Variants in ROBO1 observed in about 807,000 individuals in gnomAD.
ROBO1 encodes roundabout guidance receptor 1.
A neutral mutation model predicts 195.9 loss-of-function variants in ROBO1; 149 were observed. The observed-to-expected ratio is 0.76, with a 90% confidence interval of 0.67 to 0.87. ROBO1 has a LOEUF of 0.87. Ranked by LOEUF, ROBO1 falls within the 40% of genes least tolerant of loss-of-function variation. The pLI is 0.00. For synonymous variants in ROBO1, 816 were observed against 733.2 expected (o/e 1.11, Z -1.82); for missense variants, 1,933 against 2,068.3 (o/e 0.93, Z 1.27).
At chr3:79,544,972 C>A (rs1331668028) in intron 2 of ROBO1, among the ~76,000 whole-genome samples, 2 of 152,014 alleles carry the variant, frequency 1.3e-5, no homozygotes, top group African/African-American at 4.8e-5. Flanking sequence ...TGAAATAATA[C>A]ATGTTCATTC....
intron 1 of ROBO1, among the ~76,000 whole-genome samples, chr3:79,670,367 T>C (rs1254013685): frequency 1.3e-5 from 2 of 151,774 alleles, no homozygotes; most frequent in Non-Finnish European, 2.9e-5. Flanking sequence ...GTCTTTTATA[T>C]GAAATTGCGC....
chr3:79,225,977 C>T (rs115168162), intron 2 of ROBO1, among the ~76,000 whole-genome samples: 261 of 152,202 alleles, frequency 1.7e-3, no homozygotes, highest in African/African-American at 5.8e-3. Context: ...ATTAGCATTG[C>T]CTATGATTAC....
chr3:79,203,546 C>T (rs2081808234), intron 2 of ROBO1, among the ~76,000 whole-genome samples: 1 of 152,178 alleles, frequency 6.6e-6, no homozygotes, highest in African/African-American at 2.4e-5. Context: ...GAAAGGGATA[C>T]TGAACTTAGG....
chr3:79,445,874 G>C (rs559683393), intron 2 of ROBO1, among the ~76,000 whole-genome samples: 4 of 151,902 alleles, frequency 2.6e-5, no homozygotes, highest in Non-Finnish European at 2.9e-5. Flanking sequence ...GTATGGTCGC[G>C]ATCTCCTGAC....
At chr3:79,157,930 T>A (rs2080887488) in intron 2 of ROBO1, among the ~76,000 whole-genome samples, 1 of 151,884 alleles carries the variant, frequency 6.6e-6, no homozygotes, top group Non-Finnish European at 1.5e-5. Context: ...TTTTCTTTAT[T>A]TTTATAGTGG....
chr3:78,665,322 G>A (rs1421323199), intron 14 of ROBO1, among the ~76,000 whole-genome samples: 1 of 152,184 alleles, frequency 6.6e-6, no homozygotes, highest in East Asian at 1.9e-4. Context: ...GTTCAGATGG[G>A]TGTTTTATTT....
At chr3:79,395,486 A>T (rs2037123846) in intron 2 of ROBO1, among the ~76,000 whole-genome samples, 1 of 152,070 alleles carries the variant, frequency 6.6e-6, no homozygotes, top group South Asian at 2.1e-4. Flanking sequence ...AACAAAATTT[A>T]TATGTAGAAA....
At chr3:79,638,342 A>T (rs12493415) in intron 1 of ROBO1, among the ~76,000 whole-genome samples, 37 of 152,184 alleles carry the variant, frequency 2.4e-4, no homozygotes, top group African/African-American at 8.7e-4. Flanking sequence ...TTTCTAACTT[A>T]CCAAAATAAA....
chr3:79,176,084 T>A (rs1042696137), intron 2 of ROBO1, among the ~76,000 whole-genome samples: 4 of 152,186 alleles, frequency 2.6e-5, no homozygotes, highest in Non-Finnish European at 4.4e-5. Context: ...AAAAGGGAAC[T>A]GAGCCAGATC....
intron 3 of ROBO1, among the ~76,000 whole-genome samples, chr3:79,036,500 T>C (rs1273218881): frequency 6.6e-6 from 1 of 152,202 alleles, no homozygotes; most frequent in African/African-American, 2.4e-5. Context: ...AAAGAAATAC[T>C]TGCTTTTGGA....
At chr3:79,272,036 A>T (rs958453982) in intron 2 of ROBO1, among the ~76,000 whole-genome samples, 5 of 152,080 alleles carry the variant, frequency 3.3e-5, no homozygotes, top group African/African-American at 9.7e-5. Context: ...CACTATCAAG[A>T]TGTTAACAAT....
intron 3 of ROBO1, among the ~76,000 whole-genome samples, chr3:79,040,772 T>G (rs2078472858): frequency 6.6e-6 from 1 of 152,250 alleles, no homozygotes; most frequent in Non-Finnish European, 1.5e-5. Flanking sequence ...TTCCTAGCTC[T>G]TGATCACCTG....
chr3:79,498,272 C>T (rs1384177580), intron 2 of ROBO1, among the ~76,000 whole-genome samples: 1 of 151,842 alleles, frequency 6.6e-6, no homozygotes, highest in Non-Finnish European at 1.5e-5. Flanking sequence ...TGATGTAGAT[C>T]GATTTTCCTA....
rs959212586 is a variant in ROBO1, at chr3:78,680,181, C to T, written c.1342+5565G>A. 5.7e-4 allele frequency among the ~76,000 whole-genome samples: 86 copies of T among 152,018 alleles called. 1 individual carries two copies. In the East Asian group the frequency reaches 6.4e-3, roughly 11 times the overall value. ...CCTTACACCTTATACAAAAATTAATCCAAGATGGATTAAAGACTTAAATGT... is the reference window on the plus strand; with the variant it reads ...CCTTACACCTTATACAAAAATTAATTCAAGATGGATTAAAGACTTAAATGT... On this transcript the variant is annotated intron_variant, in intron 10 of 30. Transcript: ENST00000464233.
intron 2 of ROBO1, among the ~76,000 whole-genome samples, chr3:79,161,051 A>G (rs577834054): frequency 6.6e-6 from 1 of 152,114 alleles, no homozygotes; most frequent in Non-Finnish European, 1.5e-5. Flanking sequence ...TAAAAAGTCA[A>G]GGTATTTTGG....
chr3:78,673,793 A>G (rs1708238785), intron 10 of ROBO1, among the ~76,000 whole-genome samples: 1 of 151,340 alleles, frequency 6.6e-6, no homozygotes, highest in Non-Finnish European at 1.5e-5. Context: ...TTTAAGAGAA[A>G]AAGAACAGAA....
At chr3:78,860,985 C>A (rs1384919899) in intron 4 of ROBO1, among the ~76,000 whole-genome samples, 1 of 152,088 alleles carries the variant, frequency 6.6e-6, no homozygotes, top group African/African-American at 2.4e-5. Flanking sequence ...AGTTTTCAGG[C>A]TTCTTGTTCT....
chr3:79,062,730 G>A (rs564642393), intron 3 of ROBO1, among the ~76,000 whole-genome samples: 2 of 151,998 alleles, frequency 1.3e-5, no homozygotes, highest in South Asian at 2.1e-4. Flanking sequence ...ACTATCACAA[G>A]GACAGAAAAC....
intron 4 of ROBO1, among the ~76,000 whole-genome samples, chr3:78,891,293 G>A (rs1450677241): frequency 6.6e-6 from 1 of 152,160 alleles, no homozygotes; most frequent in African/African-American, 2.4e-5. Context: ...AACCTTCGGA[G>A]AAGGAAAATC....
Sources: gnomAD v4.1 joint callset for allele counts (sites outside exome capture counted in the v4.1 genomes callset) on GRCh38, gnomAD v4.1.1 for gene constraint, MANE v1.5 for transcripts, NCBI Gene and HGNC (gene_info 2026-07-23, HGNC 2026-07-21) for gene names.